The following CLMN variants were observed in gnomAD, a reference collection of about 807,000 sequenced individuals.
CLMN encodes the protein calmin (calponin-like, transmembrane).
Under a neutral mutation model 92.7 loss-of-function variants are expected in CLMN, and 57 were observed. The observed-to-expected ratio is 0.61, with a 90% CI of 0.50 to 0.77. CLMN has a LOEUF of 0.77. CLMN is among the 30% of genes least tolerant of loss of function. The pLI, the probability that CLMN is intolerant of heterozygous loss-of-function variation, is 0.00. For synonymous variants in CLMN, 466 were observed against 470.6 expected (o/e 0.99, Z 0.13); for missense variants, 1,158 against 1,237.5 (o/e 0.94, Z 0.96).
At chr14:95,207,538 C>G (rs1897079077) in intron 8 of CLMN, among the ~76,000 whole-genome samples, 1 of 152,216 alleles carries the variant, frequency 6.6e-6, no homozygotes, top group Non-Finnish European at 1.5e-5. Context: ...CACTGTTGTT[C>G]CAGGCACAGT....
intron 2 of CLMN, among the ~76,000 whole-genome samples, chr14:95,226,586 T>C (rs1188843708): frequency 6.6e-6 from 1 of 151,080 alleles, no homozygotes; most frequent in Non-Finnish European, 1.5e-5. Context: ...TTCTTCTTCT[T>C]TTTTTTTTGA....
intron 1 of CLMN, among the ~76,000 whole-genome samples, chr14:95,261,396 G>C (rs965118149): frequency 6.6e-6 from 1 of 152,248 alleles, no homozygotes; most frequent in Non-Finnish European, 1.5e-5. Flanking sequence ...ACATTTCAGA[G>C]AGTGGGTGAA....
intron 1 of CLMN, among the ~76,000 whole-genome samples, chr14:95,248,921 T>C (rs1249461383): frequency 1.3e-5 from 2 of 152,210 alleles, no homozygotes; most frequent in African/African-American, 2.4e-5. Context: ...ACCCTGTACA[T>C]AGTGCAGCAT....
chr14:95,293,690 G>A (rs12588007), intron 1 of CLMN, among the ~76,000 whole-genome samples: 47,641 of 102,798 alleles, frequency 0.46, 7,121 homozygotes, highest in East Asian at 0.63. Flanking sequence ...ACCCACCCCC[G>A]CCCCGCAGCC....
intron 1 of CLMN, among the ~76,000 whole-genome samples, chr14:95,309,733 C>T (rs865958644): frequency 6.6e-6 from 1 of 151,980 alleles, no homozygotes; most frequent in East Asian, 1.9e-4. Flanking sequence ...CTGGTCTCCA[C>T]CAAACTCACA....
At chr14:95,236,032 C>T (rs917761408) in intron 1 of CLMN, among the ~76,000 whole-genome samples, 2 of 152,186 alleles carry the variant, frequency 1.3e-5, no homozygotes, top group East Asian at 1.9e-4. Context: ...CCCTGCCAAC[C>T]GGGGCAGTGA....
In CLMN at chr14:95,270,821, G is replaced by A. The variant is rs563285345; in HGVS notation, c.83-40688C>T. ...ATGGAGGTCTGTTTTCATTTCTCCTGGGTATACACCTAGGAGTAGAATTTC... is the reference window on the plus strand; with the variant it reads ...ATGGAGGTCTGTTTTCATTTCTCCTAGGTATACACCTAGGAGTAGAATTTC... On this transcript the variant is annotated intron_variant, in intron 1 of 12. Coordinates refer to ENST00000298912, the MANE Select transcript of CLMN (RefSeq NM_024734.4). 1.6e-4 allele frequency among the ~76,000 whole-genome samples: 25 copies of A among 152,234 alleles called. No homozygotes were observed. The East Asian group carries it at 2.3e-3, about 14-fold the overall frequency.
intron 1 of CLMN, among the ~76,000 whole-genome samples, chr14:95,251,931 A>C (rs187758529): frequency 3.3e-5 from 5 of 152,264 alleles, no homozygotes; most frequent in African/African-American, 9.6e-5. Flanking sequence ...CTTTATGCAG[A>C]GATGAGTTTT....
intron 1 of CLMN, among the ~76,000 whole-genome samples, chr14:95,231,134 G>C (rs911077851): frequency 6.6e-6 from 1 of 152,006 alleles, no homozygotes. Context: ...GGTGAGAAGC[G>C]AGCATCACGG....
chr14:95,288,372 G>C (rs939519965), intron 1 of CLMN, among the ~76,000 whole-genome samples: 4 of 152,220 alleles, frequency 2.6e-5, no homozygotes, highest in African/African-American at 7.2e-5. Context: ...TTAAAGAGGA[G>C]TGAGCCAGTG....
chr14:95,196,619 T>TA lies in CLMN; in HGVS notation c.2586dup (p.Lys863Ter), dbSNP rs750496805. 2 of 1,614,220 alleles carry TA rather than the reference T, an allele frequency of 1.2e-6. No individual in the cohort carries two copies. Among genetic ancestry groups the TA allele is most frequent in the Non-Finnish European group, 1.7e-6 (2 of 1,180,030 alleles). On this transcript the variant is annotated frameshift_variant, in exon 10 of 13. Coordinates refer to ENST00000298912, the MANE Select transcript of CLMN (RefSeq NM_024734.4). LOFTEE classifies it high-confidence loss of function. ...ACATGTTTCCTTTTTTCCTTTTTTT[T>TA]ACTACTGATTGATTCTTTCGTTACA...
rs368482446 is a variant in CLMN, at chr14:95,203,350, G to A, written c.1999C>T (p.Arg667Cys). Residue 667 changes from arginine (R) to cysteine (C), a missense_variant, in exon 9 of 13, where the codon CGT becomes TGT. Physicochemically the swap from Arg to Cys is radical, Grantham distance 180 (BLOSUM62 -3). Transcript: ENST00000298912. Reference protein sequence around the residue: ...VHEKAKRKSTRPHYEEEGEDD... With the variant: ...VHEKAKRKSTCPHYEEEGEDD... ...TCTCCCTCTTCCTCATAATGAGGAC[G>A]GGTGGACTTTCTCTTGGCCTTTTCA... The A allele has an allele frequency of 3.5e-5, 56 of 1,613,940 alleles. No homozygotes were observed. The highest frequency in any genetic ancestry group is 4.4e-5 in the Non-Finnish European group (52 of 1,180,018).
intron 1 of CLMN, chr14:95,260,604 T>A (rs78379847): frequency 6.6e-6 from 1 of 152,044 alleles, no homozygotes; most frequent in Non-Finnish European, 1.5e-5. Flanking sequence ...AACAGAAGGC[T>A]TGTGGGAAGT....
Position 95,196,515 on chromosome 14 carries a change from G to C in CLMN, c.2691C>G (p.Asp897Glu), listed in dbSNP as rs1234370355. 6.2e-7 allele frequency: 1 copy of C among 1,611,506 alleles called. No individual in the cohort carries two copies. Among genetic ancestry groups the C allele is most frequent in the South Asian group, 1.1e-5 (1 of 90,368 alleles). Residue 897 changes from aspartate to glutamate, a missense_variant, in exon 10 of 13, where the codon GAC becomes GAG. Coordinates refer to ENST00000298912, the MANE Select transcript of CLMN (RefSeq NM_024734.4). Reference protein sequence around the residue: ...SSDDLEEDSSDYSIPSRTSHS... With the variant: ...SSDDLEEDSSEYSIPSRTSHS... Reference sequence around the variant, plus strand: ...TAAAATACCTGGAAGGAATGCTGTAGTCGCTACTGTCTTCTTCTAGGTCAT... The same window carrying C: ...TAAAATACCTGGAAGGAATGCTGTACTCGCTACTGTCTTCTTCTAGGTCAT...
intron 1 of CLMN, among the ~76,000 whole-genome samples, chr14:95,258,860 G>C (rs1326597649): frequency 6.7e-6 from 1 of 149,914 alleles, no homozygotes; most frequent in Non-Finnish European, 1.5e-5. Context: ...TGGTGTGTGT[G>C]TGGTATGTGT....
In CLMN at chr14:95,182,267, C is replaced by T. The variant is rs892144795; in HGVS notation, c.*9297G>A. 3.3e-5 allele frequency: 5 copies of T among 152,142 alleles called. No homozygotes were observed. The highest frequency in any genetic ancestry group is 4.8e-5 in the African/African-American group (2 of 41,420). The allele number at this position is 152,142 out of a possible 1,614,324, so 9.4% of individuals were successfully genotyped here. A position where few individuals can be genotyped will look rare whatever the true frequency, so the allele number is the denominator to read the frequency against. ...TCCTCAATAGTTTTCTTAGAGCTCTCAGTAAAAACTTTCAGACATAGTCAA... is the reference window on the plus strand; with the variant it reads ...TCCTCAATAGTTTTCTTAGAGCTCTTAGTAAAAACTTTCAGACATAGTCAA... On this transcript the variant is annotated 3_prime_UTR_variant, in exon 13 of 13. Coordinates refer to ENST00000298912, the MANE Select transcript of CLMN (RefSeq NM_024734.4).
At chr14:95,230,165 A>G (rs1342604533) in intron 1 of CLMN, 32 bp from the exon 2 acceptor site, 1 of 1,601,978 alleles carries the variant, frequency 6.2e-7, no homozygotes, top group Admixed American at 1.7e-5. Context: ...CAGCTGGGAG[A>G]ATAAGAAGTA....
intron 1 of CLMN, among the ~76,000 whole-genome samples, chr14:95,288,513 G>A (rs1042824501): frequency 6.6e-6 from 1 of 152,196 alleles, no homozygotes; most frequent in African/African-American, 2.4e-5. Context: ...GGTTCTGCTA[G>A]GTGATGAAGC....
At position 95,194,133 on chromosome 14, in the gene CLMN, CA is replaced by C. The variant is rs1029257595; in HGVS notation, c.2770-215del. On this transcript the variant is annotated intron_variant, in intron 11 of 12. Coordinates refer to ENST00000298912, the MANE Select transcript of CLMN (RefSeq NM_024734.4). The surrounding 1 kb of genome is among the most constrained non-coding windows in gnomAD (Gnocchi z 4.0). The stretch of plus-strand genomic sequence containing the variant: ...CCTCCCTTGTGAGTGCGAGAGACCC[CA>C]CCACCCGGAACCCGGATTGGGGTGT... The C allele has an allele frequency of 7.1e-7, 1 of 1,415,640 alleles. No homozygotes were observed. Among genetic ancestry groups the C allele is most frequent in the African/African-American group, 1.4e-5 (1 of 69,052 alleles). The allele number at this position is 1,415,640 out of a possible 1,614,324, so 87.7% of individuals were successfully genotyped here.
Sources: gnomAD v4.1 joint callset for allele counts (sites outside exome capture counted in the v4.1 genomes callset) on GRCh38, gnomAD v4.1.1 for gene constraint, Gnocchi (gnomAD v3.1) non-coding constraint, MANE v1.5 for transcripts, NCBI Gene and HGNC (gene_info 2026-07-23, HGNC 2026-07-21) for gene names.